MED13L: variants seen among roughly 807,000 people sequenced by gnomAD.
MED13L encodes mediator complex subunit 13L.
MED13L carries 7 observed loss-of-function variants against 220.9 expected under a neutral mutation model. The ratio of observed to expected loss-of-function variants is 0.03; its 90% CI spans 0.02 to 0.06. The LOEUF (loss-of-function observed/expected upper bound fraction) is 0.06, where lower values mean the gene tolerates loss of function less well. MED13L is among the 10% of genes least tolerant of loss of function. MED13L has a pLI of 1.00. For missense variants in MED13L, 1,965 were observed against 2,760.5 expected (o/e 0.71, Z 6.46); for synonymous variants, 1,011 against 1,015.2 (o/e 1.00, Z 0.08).
intron 1 of MED13L, chr12:116,276,532 G>T: frequency 7.8e-7 from 1 of 1,280,874 alleles, no homozygotes; most frequent in Non-Finnish European, 1.0e-6. Context: ...TCGGGTGCAA[G>T]AGTCCTTTCC....
chr12:116,019,310 C>T lies in MED13L; in HGVS notation c.923G>A (p.Gly308Glu). 6.2e-7 allele frequency: 1 copy of T among 1,614,018 alleles called. No homozygotes were observed. The highest frequency in any genetic ancestry group is 1.1e-5 in the South Asian group (1 of 91,082). The change falls in exon 7 of 31, where the codon GGG becomes GAG. Residue 308 changes from glycine to glutamate, a missense_variant. Physicochemically the swap from Gly to Glu is moderately conservative, Grantham distance 98. This residue lies in a region of MED13L where 818 missense variants were observed against 1,041.2 expected (regional missense o/e 0.79). Transcript: ENST00000281928. ...CTTCACACTACCAAGCCCTTGCTGC[C>T]CAACTGCAATGTGGCCTCCAGCACT... ...VASAGGHIAVGQQGLGSVKDP... is the reference protein window; with the variant it reads ...VASAGGHIAVEQQGLGSVKDP...
Position 116,276,439 on chromosome 12 carries a change from G to T in MED13L, c.72+621C>A, listed in dbSNP as rs1035043947. 18 of 1,288,738 alleles carry T rather than the reference G, an allele frequency of 1.4e-5. No homozygotes were observed. The African/African-American group carries it at 2.7e-4, about 20-fold the overall frequency. The allele number at this position is 1,288,738 out of a possible 1,614,324, so 79.8% of individuals were successfully genotyped here. ...AAAAAGCTTTCTCCACCTTCCGTCGGCTCGGTGCAATGGCTTTACGGCTCT... is the reference window on the plus strand; with the variant it reads ...AAAAAGCTTTCTCCACCTTCCGTCGTCTCGGTGCAATGGCTTTACGGCTCT... On this transcript the variant is annotated intron_variant, in intron 1 of 30. Coordinates refer to ENST00000281928, the MANE Select transcript of MED13L (RefSeq NM_015335.5).
At chr12:116,160,043 G>A (rs2138131973) in intron 2 of MED13L, among the ~76,000 whole-genome samples, 1 of 152,288 alleles carries the variant, frequency 6.6e-6, no homozygotes, top group African/African-American at 2.4e-5. Context: ...TCTCCATGAA[G>A]ATTACTTCAC....
chr12:115,980,437 C>T (rs1174868212), intron 23 of MED13L: 4 of 365,466 alleles, frequency 1.1e-5, no homozygotes, highest in Non-Finnish European at 2.1e-5. Context: ...GATCCTTCCA[C>T]CTCAGCCTCC....
At chr12:116,146,658 GA>G (rs1189946418) in intron 2 of MED13L, among the ~76,000 whole-genome samples, 1 of 151,888 alleles carries the variant, frequency 6.6e-6, no homozygotes, top group African/African-American at 2.4e-5. Flanking sequence ...TTGAGGCCAG[GA>G]ATTCGAGACC....
At chr12:116,050,540 G>A (rs1176346861) in intron 4 of MED13L, among the ~76,000 whole-genome samples, 1 of 152,046 alleles carries the variant, frequency 6.6e-6, no homozygotes, top group Non-Finnish European at 1.5e-5. Flanking sequence ...TGAATTAAAA[G>A]TACACCCTAC....
intron 8 of MED13L, 31 bp downstream of exon 8, chr12:116,015,078 C>G (rs1318233418): frequency 1.2e-6 from 2 of 1,600,510 alleles, no homozygotes; most frequent in Admixed American, 3.3e-5. Context: ...GGTTACTAAA[C>G]TATGATCTAG....
chr12:116,027,120 T>C (rs1050117204), intron 4 of MED13L, among the ~76,000 whole-genome samples: 3 of 152,112 alleles, frequency 2.0e-5, no homozygotes, highest in African/African-American at 7.2e-5. Flanking sequence ...TCTGAACAGA[T>C]CATTTAAAAA....
In MED13L at chr12:115,990,948, G is replaced by A. The variant is rs538153660; in HGVS notation, c.3934+72C>T. ...AAATTAAAATTTTTTGTCAAATACA[G>A]TAAAGAAAGCTTTTAAGTTATGATC... On this transcript the variant is annotated intron_variant, in intron 17 of 30. Coordinates refer to ENST00000281928, the MANE Select transcript of MED13L (RefSeq NM_015335.5). 20 of 1,530,304 alleles carry A rather than the reference G, an allele frequency of 1.3e-5. No individual in the cohort carries two copies. In the African/African-American group the frequency reaches 1.6e-4, roughly 13 times the overall value. The allele number at this position is 1,530,304 out of a possible 1,614,324, so 94.8% of individuals were successfully genotyped here.
intron 2 of MED13L, among the ~76,000 whole-genome samples, chr12:116,217,242 G>A (rs1883057737): frequency 6.6e-6 from 1 of 152,190 alleles, no homozygotes; most frequent in African/African-American, 2.4e-5. Flanking sequence ...ACCTATTAGG[G>A]AATGAAACAG....
chr12:116,189,215 T>C (rs973673147), intron 2 of MED13L, among the ~76,000 whole-genome samples: 6 of 151,948 alleles, frequency 3.9e-5, no homozygotes, highest in African/African-American at 1.2e-4. Context: ...CTGTCAGGTG[T>C]GTAATGATAG....
chr12:116,261,757 C>T (rs752808266), intron 1 of MED13L, among the ~76,000 whole-genome samples: 4 of 152,184 alleles, frequency 2.6e-5, no homozygotes, highest in Non-Finnish European at 4.4e-5. Flanking sequence ...AAACCAAGAA[C>T]ATCTGTTTAT....
intron 2 of MED13L, among the ~76,000 whole-genome samples, chr12:116,141,588 T>C (rs1417854737): frequency 6.6e-6 from 1 of 152,150 alleles, no homozygotes; most frequent in African/African-American, 2.4e-5. Flanking sequence ...ACAGTCTACA[T>C]CCAGGTAGCC....
chr12:116,146,210 C>A (rs1297621896), intron 2 of MED13L, among the ~76,000 whole-genome samples: 1 of 152,096 alleles, frequency 6.6e-6, no homozygotes, highest in African/African-American at 2.4e-5. Flanking sequence ...GCAACCTCCA[C>A]CTCCTGGGTT....
chr12:115,980,187 AC>A (rs1877226184), intron 23 of MED13L, among the ~76,000 whole-genome samples: 1 of 152,222 alleles, frequency 6.6e-6, no homozygotes, highest in South Asian at 2.1e-4. Context: ...AACATTAAAA[AC>A]TAAAAGGGAT....
At chr12:116,024,728 C>A (rs909896056) in intron 4 of MED13L, among the ~76,000 whole-genome samples, 1 of 120,044 alleles carries the variant, frequency 8.3e-6, no homozygotes. Context: ...AGAAGGATTT[C>A]TCCTATGGTT....
At chr12:116,206,967 G>C (rs1406882588) in intron 2 of MED13L, among the ~76,000 whole-genome samples, 1 of 152,002 alleles carries the variant, frequency 6.6e-6, no homozygotes, top group African/African-American at 2.4e-5. Flanking sequence ...AAACCACAGA[G>C]AGGAATTATT....
At chr12:116,274,715 G>A (rs999809719) in intron 1 of MED13L, among the ~76,000 whole-genome samples, 1 of 151,302 alleles carries the variant, frequency 6.6e-6, no homozygotes. Flanking sequence ...CCACGTACAA[G>A]AGAATGAAGA....
chr12:116,088,331 C>T (rs1379682729), intron 4 of MED13L, among the ~76,000 whole-genome samples: 1 of 152,190 alleles, frequency 6.6e-6, no homozygotes, highest in African/African-American at 2.4e-5. Context: ...ATCAAAGACA[C>T]AAACTCTGCC....
Sources: allele counts gnomAD v4.1 joint callset (sites outside exome capture counted in the v4.1 genomes callset), GRCh38; gene constraint gnomAD v4.1.1; regional missense constraint gnomAD v4.1.1; transcripts MANE v1.5; gene names NCBI Gene and HGNC (gene_info 2026-07-23, HGNC 2026-07-21).